Variants in ANTXR1 observed in about 807,000 individuals in gnomAD.
ANTXR1 encodes ANTXR cell adhesion molecule 1, also known as anthrax toxin receptor 1.
Under a neutral mutation model 78.1 loss-of-function variants are expected in ANTXR1, and 19 were observed. The ratio of observed to expected loss-of-function variants is 0.24; its 90% CI spans 0.17 to 0.36. ANTXR1 has a LOEUF of 0.36. Among genes scored for constraint, ANTXR1 ranks in the 10% least tolerant of loss-of-function variants. ANTXR1 has a pLI of 1.00. For missense variants in ANTXR1, 518 were observed against 718.6 expected (o/e 0.72, Z 3.19); for synonymous variants, 273 against 260.5 (o/e 1.05, Z -0.46).
intron 10 of ANTXR1, among the ~76,000 whole-genome samples, chr2:69,117,505 T>TAC (rs1186706803): frequency 6.6e-6 from 1 of 152,206 alleles, no homozygotes; most frequent in East Asian, 1.9e-4. Flanking sequence ...TGTGTATCTA[T>TAC]ACACACACAC....
chr2:69,069,876 A>C (rs746145888), intron 3 of ANTXR1, among the ~76,000 whole-genome samples: 1 of 152,222 alleles, frequency 6.6e-6, no homozygotes, highest in Non-Finnish European at 1.5e-5. Context: ...CAAACCCTTC[A>C]TAGGGTTACA....
chr2:69,024,114 A>G (rs1671275678), intron 1 of ANTXR1, among the ~76,000 whole-genome samples: 1 of 152,200 alleles, frequency 6.6e-6, no homozygotes, highest in Non-Finnish European at 1.5e-5. Context: ...GCTCTTTTGT[A>G]TTAAGGATCA....
intron 13 of ANTXR1, among the ~76,000 whole-genome samples, chr2:69,158,958 T>A (rs1463218266): frequency 6.6e-6 from 1 of 152,184 alleles, no homozygotes; most frequent in East Asian, 1.9e-4. Flanking sequence ...TATGGTACAG[T>A]GCCTAGTACA....
intron 17 of ANTXR1, among the ~76,000 whole-genome samples, chr2:69,220,817 C>A (rs1181450514): frequency 1.3e-5 from 2 of 152,156 alleles, no homozygotes; most frequent in South Asian, 4.1e-4. Flanking sequence ...GAACAGTTGA[C>A]CCCTGGAAGT....
chr2:69,229,155 G>A (rs1192394921), intron 17 of ANTXR1, among the ~76,000 whole-genome samples: 1 of 152,156 alleles, frequency 6.6e-6, no homozygotes, highest in East Asian at 1.9e-4. Flanking sequence ...CTATCCCACT[G>A]GAGGCTGAGG....
intron 6 of ANTXR1, 142 bp from the exon 7 acceptor site, chr2:69,075,448 A>G: frequency 1.3e-6 from 1 of 795,292 alleles, no homozygotes; most frequent in Non-Finnish European, 2.2e-6. Context: ...TCCTGGGGAC[A>G]GGGATTGCCT....
intron 5 of ANTXR1, among the ~76,000 whole-genome samples, chr2:69,072,449 C>T (rs1240969999): frequency 6.6e-6 from 1 of 152,170 alleles, no homozygotes; most frequent in Non-Finnish European, 1.5e-5. Flanking sequence ...AGAACAGACT[C>T]AATATCAACA....
chr2:69,060,490 A>G (rs950145870), intron 3 of ANTXR1, among the ~76,000 whole-genome samples: 45 of 152,182 alleles, frequency 3.0e-4, no homozygotes, highest in African/African-American at 5.1e-4. Context: ...TGGAACTCCA[A>G]TCTTTAGAGT....
intron 12 of ANTXR1, chr2:69,145,394 T>C (rs767712469): frequency 1.9e-6 from 3 of 1,587,258 alleles, no homozygotes. Context: ...TACCGCCTGC[T>C]CCCTCCGGAC....
intron 17 of ANTXR1, among the ~76,000 whole-genome samples, chr2:69,239,444 C>T (rs910402914): frequency 2.6e-5 from 4 of 152,174 alleles, no homozygotes; most frequent in South Asian, 2.1e-4. Context: ...TGGTGGCACA[C>T]GCCTGTAATT....
intron 1 of ANTXR1, among the ~76,000 whole-genome samples, chr2:69,016,023 A>G (rs1671015278): frequency 6.6e-6 from 1 of 152,216 alleles, no homozygotes; most frequent in Non-Finnish European, 1.5e-5. Flanking sequence ...TAAAAATTAC[A>G]ATATTCAGTA....
chr2:69,140,063 G>A (rs976471918), intron 12 of ANTXR1, among the ~76,000 whole-genome samples: 2 of 152,166 alleles, frequency 1.3e-5, no homozygotes, highest in Admixed American at 1.3e-4. Flanking sequence ...GGAGAGAAAG[G>A]GAAGTGCTGA....
intron 16 of ANTXR1, among the ~76,000 whole-genome samples, chr2:69,185,169 C>T (rs1391004557): frequency 6.6e-6 from 1 of 152,200 alleles, no homozygotes; most frequent in African/African-American, 2.4e-5. Flanking sequence ...GGACATTCTT[C>T]GGCCCCACCT....
intron 13 of ANTXR1, 87 bp from the exon 14 acceptor site, chr2:69,170,161 A>G (rs1573951602): frequency 6.9e-7 from 1 of 1,457,246 alleles, no homozygotes; most frequent in East Asian, 2.3e-5. Context: ...TTATGGCAGC[A>G]CCACCACGGT....
chr2:69,175,210 A>G (rs762275552), intron 14 of ANTXR1, among the ~76,000 whole-genome samples: 75 of 152,308 alleles, frequency 4.9e-4, no homozygotes, highest in Admixed American at 2.9e-3. Flanking sequence ...TGCTCTGTCC[A>G]TGGCCCTAGT....
At chr2:69,216,799 T>A (rs7577975) in intron 17 of ANTXR1, among the ~76,000 whole-genome samples, 7,974 of 152,272 alleles carry the variant, frequency 0.052, 553 homozygotes, top group African/African-American at 0.15. Context: ...ACTTCCCCCA[T>A]GAGTTTAATA....
chr2:69,106,910 G>A (rs1573886143), intron 10 of ANTXR1, among the ~76,000 whole-genome samples: 2 of 152,174 alleles, frequency 1.3e-5, no homozygotes, highest in Admixed American at 1.3e-4. Context: ...GAAAATAAAT[G>A]TGTTTAAAAT....
chr2:69,047,143 C>T (rs1669792977), intron 3 of ANTXR1, among the ~76,000 whole-genome samples: 1 of 152,110 alleles, frequency 6.6e-6, no homozygotes, highest in South Asian at 2.1e-4. Flanking sequence ...GGGCTGTCTG[C>T]AGGACTTGAG....
intron 9 of ANTXR1, among the ~76,000 whole-genome samples, chr2:69,092,656 G>C (rs1218839007): frequency 3.9e-5 from 6 of 152,156 alleles, no homozygotes; most frequent in Non-Finnish European, 8.8e-5. Flanking sequence ...AGATCGGTGA[G>C]AATCTCTTTA....
Sources: gnomAD v4.1 joint callset for allele counts (sites outside exome capture counted in the v4.1 genomes callset) on GRCh38, gnomAD v4.1.1 for gene constraint, MANE v1.5 for transcripts, NCBI Gene and HGNC (gene_info 2026-07-23, HGNC 2026-07-21) for gene names.